Variants in PACRG observed in about 807,000 individuals in gnomAD.
PACRG encodes parkin coregulated.
A neutral mutation model predicts 29.7 loss-of-function variants in PACRG; 29 were observed. The ratio of observed to expected loss-of-function variants is 0.98; its 90% CI spans 0.73 to 1.33. The LOEUF (loss-of-function observed/expected upper bound fraction) is 1.33. Among genes scored for constraint, PACRG ranks in the 40% most tolerant of loss-of-function variants. PACRG has a pLI of 0.00. For missense variants in PACRG, 279 were observed against 316.2 expected (o/e 0.88, Z 0.89); for synonymous variants, 116 against 118.7 (o/e 0.98, Z 0.15).
intron 2 of PACRG, among the ~76,000 whole-genome samples, chr6:162,921,966 C>T (rs1196407566): frequency 6.6e-6 from 1 of 152,078 alleles, no homozygotes; most frequent in Non-Finnish European, 1.5e-5. Flanking sequence ...TGAACTGTTT[C>T]CTGAAGTTCG....
chr6:162,947,625 T>TC (rs534593298), intron 2 of PACRG, among the ~76,000 whole-genome samples: 155 of 53,186 alleles, frequency 2.9e-3, no homozygotes, highest in Non-Finnish European at 4.0e-3. Context: ...TATATATATA[T>TC]ATATATATAT....
chr6:162,793,806 C>T (rs986289725), intron 1 of PACRG, among the ~76,000 whole-genome samples: 1 of 152,108 alleles, frequency 6.6e-6, no homozygotes. Context: ...AGAGAAGGGT[C>T]ATTCCCCAAC....
At chr6:163,266,722 C>T (rs1783538817) in intron 4 of PACRG, among the ~76,000 whole-genome samples, 1 of 152,196 alleles carries the variant, frequency 6.6e-6, no homozygotes, top group Admixed American at 6.5e-5. Flanking sequence ...ATGTGACCCT[C>T]ATCTGACAGA....
At chr6:162,954,668 T>C (rs1018020961) in intron 2 of PACRG, among the ~76,000 whole-genome samples, 3 of 152,208 alleles carry the variant, frequency 2.0e-5, no homozygotes, top group African/African-American at 7.2e-5. Context: ...TGAGGCTTAC[T>C]GTGTACTAGA....
intron 4 of PACRG, among the ~76,000 whole-genome samples, chr6:163,194,734 G>A (rs1297508792): frequency 1.3e-5 from 2 of 152,202 alleles, no homozygotes; most frequent in Non-Finnish European, 2.9e-5. Flanking sequence ...GTATTTTGGA[G>A]CAAGTAAAAT....
chr6:162,823,204 G>A (rs1787986538), intron 2 of PACRG, among the ~76,000 whole-genome samples: 1 of 152,082 alleles, frequency 6.6e-6, no homozygotes, highest in South Asian at 2.1e-4. Flanking sequence ...TTGTTTAACA[G>A]CCTTGGTAAA....
intron 2 of PACRG, among the ~76,000 whole-genome samples, chr6:162,873,138 C>T (rs1022229167): frequency 4.6e-5 from 7 of 152,054 alleles, no homozygotes; most frequent in South Asian, 2.1e-4. Flanking sequence ...ATTATTTATA[C>T]GTATGAGATG....
At chr6:163,076,217 A>G (rs555709883) in intron 3 of PACRG, among the ~76,000 whole-genome samples, 2 of 152,316 alleles carry the variant, frequency 1.3e-5, no homozygotes, top group East Asian at 3.9e-4. Context: ...CAACAGCTGA[A>G]GTTATTTCAT....
intron 2 of PACRG, among the ~76,000 whole-genome samples, chr6:162,851,506 A>G (rs976863376): frequency 3.3e-5 from 5 of 152,256 alleles, no homozygotes; most frequent in Non-Finnish European, 7.3e-5. Context: ...TGAAATACAA[A>G]TATTGACATT....
chr6:163,309,722 C>G (rs1255985540), intron 4 of PACRG, among the ~76,000 whole-genome samples: 1 of 152,200 alleles, frequency 6.6e-6, no homozygotes. Context: ...GCTCTTCAGG[C>G]ATCTCAGGCA....
intron 3 of PACRG, among the ~76,000 whole-genome samples, chr6:163,080,732 T>C (rs1251773545): frequency 1.3e-5 from 2 of 152,248 alleles, no homozygotes; most frequent in Non-Finnish European, 2.9e-5. Context: ...TTTGATCTAT[T>C]GAAAAATTGA....
intron 3 of PACRG, among the ~76,000 whole-genome samples, chr6:163,065,815 A>G (rs1811491393): frequency 6.6e-6 from 1 of 152,218 alleles, no homozygotes; most frequent in South Asian, 2.1e-4. Flanking sequence ...TAGTAGAACT[A>G]AAATCTCCAT....
intron 4 of PACRG, among the ~76,000 whole-genome samples, chr6:163,308,922 C>A (rs1785296576): frequency 6.6e-6 from 1 of 152,166 alleles, no homozygotes; most frequent in Admixed American, 6.5e-5. Flanking sequence ...GGTGAAAATC[C>A]TTTTACTTGG....
At chr6:163,049,263 A>G (rs1271316916) in intron 2 of PACRG, among the ~76,000 whole-genome samples, 11 of 152,128 alleles carry the variant, frequency 7.2e-5, no homozygotes, top group Non-Finnish European at 1.6e-4. Flanking sequence ...TAGTCAATAA[A>G]TACAATAGGA....
At chr6:162,745,635 A>G (rs565103128) in intron 1 of PACRG, among the ~76,000 whole-genome samples, 66 of 152,358 alleles carry the variant, frequency 4.3e-4, no homozygotes, top group African/African-American at 1.6e-3. Context: ...TATATTGGTG[A>G]AAAGCACATC....
intron 4 of PACRG, among the ~76,000 whole-genome samples, chr6:163,231,889 T>G (rs1457442362): frequency 1.3e-5 from 2 of 152,212 alleles, no homozygotes; most frequent in Admixed American, 6.5e-5. Flanking sequence ...GAGCACGCAG[T>G]TACTGTAGGT....
intron 1 of PACRG, among the ~76,000 whole-genome samples, chr6:162,742,999 A>G (rs980891400): frequency 2.0e-5 from 3 of 152,162 alleles, no homozygotes; most frequent in African/African-American, 7.2e-5. Flanking sequence ...AACAGTGTGC[A>G]AGGGTTCCCA....
chr6:162,857,180 G>C (rs1288939469), intron 2 of PACRG, among the ~76,000 whole-genome samples: 1 of 152,194 alleles, frequency 6.6e-6, no homozygotes, highest in South Asian at 2.1e-4. Context: ...ATCTTGCTCC[G>C]AGAGTTCACA....
intron 1 of PACRG, among the ~76,000 whole-genome samples, chr6:162,799,869 A>G (rs1034480018): frequency 6.6e-6 from 1 of 152,220 alleles, no homozygotes; most frequent in East Asian, 1.9e-4. Flanking sequence ...TAACTCTTGC[A>G]AGACACAGAA....
Sources: gnomAD v4.1 joint callset for allele counts (sites outside exome capture counted in the v4.1 genomes callset) on GRCh38, gnomAD v4.1.1 for gene constraint, MANE v1.5 for transcripts, NCBI Gene and HGNC (gene_info 2026-07-23, HGNC 2026-07-21) for gene names.